The following WDPCP variants were observed in gnomAD, a reference collection of about 807,000 sequenced individuals.
WDPCP encodes WD repeat containing planar cell polarity effector.
WDPCP carries 71 observed loss-of-function variants against 93.1 expected under a neutral mutation model. The observed-to-expected ratio is 0.76, with a 90% confidence interval of 0.63 to 0.93. The LOEUF (loss-of-function observed/expected upper bound fraction) is 0.93, where lower values mean the gene tolerates loss of function less well. Among genes scored for constraint, WDPCP ranks in the 40% least tolerant of loss-of-function variants. The probability of loss-of-function intolerance (pLI) is 0.00; values close to 1 mark genes in which losing one functional copy is unlikely to be tolerated. For missense variants in WDPCP, 844 were observed against 887.4 expected (o/e 0.95, Z 0.62); for synonymous variants, 315 against 315.0 (o/e 1.00, Z 0.00).
chr2:63,438,081 C>G (rs572821837), intron 7 of WDPCP: 1,627 of 1,068,414 alleles, frequency 1.5e-3, no homozygotes, highest in Admixed American at 1.3e-3. Flanking sequence ...ATGTACATTA[C>G]ATAAATTAAT....
intron 2 of WDPCP, among the ~76,000 whole-genome samples, chr2:63,655,430 AT>A (rs1710156709): frequency 6.6e-6 from 1 of 152,124 alleles, no homozygotes; most frequent in African/African-American, 2.4e-5. Context: ...GTATATATAT[AT>A]ATATTTAAAT....
At chr2:63,529,156 G>A (rs1185864218) in intron 1 of WDPCP, among the ~76,000 whole-genome samples, 1 of 152,190 alleles carries the variant, frequency 6.6e-6, no homozygotes, top group Non-Finnish European at 1.5e-5. Context: ...CGTGCCATCT[G>A]CAAACAGGAA....
At chr2:63,625,000 C>T (rs1281757506) in intron 3 of WDPCP, among the ~76,000 whole-genome samples, 2 of 152,200 alleles carry the variant, frequency 1.3e-5, no homozygotes, top group Non-Finnish European at 2.9e-5. Flanking sequence ...GAGCTTCATC[C>T]CTGGGACACA....
chr2:63,600,424 C>G (rs1450615008), intron 3 of WDPCP, among the ~76,000 whole-genome samples: 4 of 152,192 alleles, frequency 2.6e-5, no homozygotes, highest in African/African-American at 7.2e-5. Context: ...ACTCCAAACC[C>G]TTATGTATGT....
chr2:63,245,172 C>G lies in WDPCP; in HGVS notation c.1915+14135G>C, dbSNP rs188013280. On this transcript the variant is annotated intron_variant, in intron 14 of 17. Transcript: ENST00000272321. ...CCAGACACAGCTAGATGCCCTCACA[C>G]AAGCACACCCACAAAGGTTAATAAA... is the stretch of plus-strand genomic sequence containing the variant. Among the ~76,000 whole-genome samples, 330 of 152,260 alleles carry G rather than the reference C, an allele frequency of 2.2e-3. 2 individuals carry two copies. The highest frequency in any genetic ancestry group is 3.1e-4 in the Non-Finnish European group (21 of 68,038).
intron 13 of WDPCP, among the ~76,000 whole-genome samples, chr2:63,273,808 A>AAC (rs201430569): frequency 9.0e-5 from 13 of 144,026 alleles, no homozygotes; most frequent in South Asian, 2.2e-4. Context: ...CCAACGCAGA[A>AAC]ACACACACAC....
chr2:63,255,121 G>C (rs1383747159), intron 14 of WDPCP, among the ~76,000 whole-genome samples: 5 of 152,006 alleles, frequency 3.3e-5, no homozygotes, highest in Admixed American at 2.6e-4. Flanking sequence ...GTTACTGAAG[G>C]GAACTTTATT....
intron 2 of WDPCP, among the ~76,000 whole-genome samples, chr2:63,735,920 T>C (rs894751667): frequency 1.3e-5 from 2 of 152,220 alleles, no homozygotes; most frequent in African/African-American, 4.8e-5. Flanking sequence ...AAGAAACTTA[T>C]AATACCAATG....
chr2:63,218,702 G>C (rs1412694684), intron 14 of WDPCP, among the ~76,000 whole-genome samples: 2 of 150,288 alleles, frequency 1.3e-5, no homozygotes, highest in Non-Finnish European at 2.9e-5. Context: ...GCTAATTTTT[G>C]TATTTTTTTA....
At chr2:63,154,482 G>A (rs1672101595) in intron 15 of WDPCP, among the ~76,000 whole-genome samples, 1 of 152,050 alleles carries the variant, frequency 6.6e-6, no homozygotes, top group South Asian at 2.1e-4. Flanking sequence ...TGTATCAATG[G>A]TTCACTGCTT....
chr2:63,707,209 T>A (rs1418391466), intron 2 of WDPCP, among the ~76,000 whole-genome samples: 2 of 152,258 alleles, frequency 1.3e-5, no homozygotes, highest in East Asian at 1.9e-4. Context: ...CTGGATAATA[T>A]CCTGCAGAGT....
At chr2:63,810,846 G>A (rs1264831854) in intron 2 of WDPCP, among the ~76,000 whole-genome samples, 1 of 152,186 alleles carries the variant, frequency 6.6e-6, no homozygotes. Context: ...GACTAAATTT[G>A]TTGTGCTGAG....
At chr2:63,390,120 T>G (rs935305111) in intron 10 of WDPCP, among the ~76,000 whole-genome samples, 3 of 152,204 alleles carry the variant, frequency 2.0e-5, no homozygotes, top group Non-Finnish European at 4.4e-5. Context: ...ATTGCACTTA[T>G]TCTAAAATTG....
chr2:63,635,370 A>G (rs1709910747), intron 3 of WDPCP, among the ~76,000 whole-genome samples: 1 of 152,208 alleles, frequency 6.6e-6, no homozygotes, highest in Non-Finnish European at 1.5e-5. Flanking sequence ...ACCTCATTTT[A>G]TGAAGCCAGC....
chr2:63,523,973 T>A (rs910227674), intron 1 of WDPCP, among the ~76,000 whole-genome samples: 21 of 151,770 alleles, frequency 1.4e-4, no homozygotes, highest in African/African-American at 4.6e-4. Flanking sequence ...ACCAAAAACA[T>A]CCAACCTGAG....
At chr2:63,824,776 G>A (rs1448872602) in intron 1 of WDPCP, among the ~76,000 whole-genome samples, 1 of 151,746 alleles carries the variant, frequency 6.6e-6, no homozygotes, top group Non-Finnish European at 1.5e-5. Flanking sequence ...ATTGATATAA[G>A]GTTTTTGTAC....
intron 3 of WDPCP, among the ~76,000 whole-genome samples, chr2:63,636,303 A>G (rs1448021541): frequency 1.3e-5 from 2 of 152,248 alleles, no homozygotes; most frequent in Non-Finnish European, 2.9e-5. Flanking sequence ...ATTCAATACA[A>G]TCTTTGTCAA....
chr2:63,341,995 T>A (rs1688875250), intron 12 of WDPCP, among the ~76,000 whole-genome samples: 1 of 152,150 alleles, frequency 6.6e-6, no homozygotes, highest in African/African-American at 2.4e-5. Flanking sequence ...GGTCCCCAAC[T>A]TTTTTGACAA....
At chr2:63,509,419 G>A (rs964919466) in intron 1 of WDPCP, among the ~76,000 whole-genome samples, 6 of 152,162 alleles carry the variant, frequency 3.9e-5, no homozygotes, top group African/African-American at 1.4e-4. Flanking sequence ...GAATCTCTGG[G>A]ACACAGCTAA....
Sources: allele counts gnomAD v4.1 joint callset (sites outside exome capture counted in the v4.1 genomes callset), GRCh38; gene constraint gnomAD v4.1.1; transcripts MANE v1.5; gene names NCBI Gene and HGNC (gene_info 2026-07-23, HGNC 2026-07-21).